The following DICER1 variants were observed in gnomAD, a reference collection of about 807,000 sequenced individuals.
The protein encoded by DICER1 is dicer 1, ribonuclease III.
Under a neutral mutation model 194.1 loss-of-function variants are expected in DICER1, and 43 were observed. The observed-to-expected ratio is 0.22, with a 90% CI of 0.17 to 0.29. The LOEUF is 0.29. Ranked by LOEUF, DICER1 falls within the 10% of genes least tolerant of loss-of-function variation. DICER1 has a pLI of 1.00. For synonymous variants in DICER1, 832 were observed against 820.5 expected (o/e 1.01, Z -0.24); for missense variants, 1,608 against 2,317.0 (o/e 0.69, Z 6.28).
At chr14:95,121,040 C>T (rs1156469012) in intron 8 of DICER1, among the ~76,000 whole-genome samples, 1 of 152,056 alleles carries the variant, frequency 6.6e-6, no homozygotes, top group Non-Finnish European at 1.5e-5. Flanking sequence ...CATGAGAGCC[C>T]CCTGATATAA....
rs1433832479 is a variant in DICER1, at chr14:95,094,112, A to G, written c.5140T>C (p.Tyr1714His). The change falls in exon 24 of 27, where the codon TAC becomes CAC. Residue 1714 changes from tyrosine to histidine, a missense_variant. Transcript: ENST00000343455. ...LEFLGDAILD[Y>H]LITKHLYEDP... is the part of the protein sequence containing the mutation. ...TCATAAAGGTGCTTGGTTATGAGGTAGTCCAAAATCGCATCTCCCAGGAAT... is the reference window on the plus strand; with the variant it reads ...TCATAAAGGTGCTTGGTTATGAGGTGGTCCAAAATCGCATCTCCCAGGAAT... 1 of 1,614,168 alleles carries G rather than the reference A, an allele frequency of 6.2e-7. No individual in the cohort carries two copies. Among genetic ancestry groups the G allele is most frequent in the Non-Finnish European group, 8.5e-7 (1 of 1,180,030 alleles).
At chr14:95,098,898 A>C (rs1890602733) in intron 22 of DICER1, among the ~76,000 whole-genome samples, 3 of 152,192 alleles carry the variant, frequency 2.0e-5, no homozygotes, top group Admixed American at 6.5e-5. Context: ...TGAACATGCT[A>C]CCTGGAAATA....
At chr14:95,152,688 A>G (rs138781361) in intron 1 of DICER1, among the ~76,000 whole-genome samples, 1 of 152,346 alleles carries the variant, frequency 6.6e-6, no homozygotes, top group East Asian at 1.9e-4. Context: ...ACTTATTTAA[A>G]ATGCATATTG....
chr14:95,108,198 G>C, intron 15 of DICER1, 105 bp from the exon 16 acceptor site: 1 of 1,274,160 alleles, frequency 7.8e-7, no homozygotes, highest in Non-Finnish European at 1.1e-6. Flanking sequence ...AGAAATAGAA[G>C]AGGCACCTCG....
chr14:95,124,379 A>G lies in DICER1; in HGVS notation c.1193T>C (p.Val398Ala). The change falls in exon 8 of 27, where the codon GTT becomes GCT. Residue 398 changes from valine to alanine, a missense_variant. Coordinates refer to ENST00000343455, the MANE Select transcript of DICER1 (RefSeq NM_177438.3). The surrounding 1 kb of genome is among the most constrained non-coding windows in gnomAD (Gnocchi z 4.5). ...CTGATTTCTATTATTATACCACTCAACGCTTTCAAACTGCTGTCGCTCATA... is the reference window on the plus strand; with the variant it reads ...CTGATTTCTATTATTATACCACTCAGCGCTTTCAAACTGCTGTCGCTCATA... ...KPYERQQFES[V>A]EWYNNRNQDN... 6.2e-7 allele frequency: 1 copy of G among 1,614,146 alleles called. No homozygotes were observed. Among genetic ancestry groups the G allele is most frequent in the East Asian group, 2.2e-5 (1 of 44,880 alleles).
intron 11 of DICER1, among the ~76,000 whole-genome samples, chr14:95,114,876 G>C (rs1041035182): frequency 6.6e-6 from 1 of 152,146 alleles, no homozygotes; most frequent in Admixed American, 6.5e-5. Flanking sequence ...CTGACAGTAA[G>C]ACTACAAAAT....
rs1555367601 is a variant in DICER1 at position 95,096,061 on chromosome 14, C to T, written c.4859G>A (p.Ser1620Asn). 20 of 1,614,216 alleles carry T rather than the reference C, an allele frequency of 1.2e-5. No homozygotes were observed. Among genetic ancestry groups the T allele is most frequent in the Non-Finnish European group, 1.7e-5 (20 of 1,180,036 alleles). The change falls in exon 23 of 27, where the codon AGC (serine) becomes AAC (asparagine). Residue 1620 changes from serine to asparagine, a missense_variant. Physicochemically the swap from Ser to Asn is conservative, Grantham distance 46. Coordinates refer to ENST00000343455, the MANE Select transcript of DICER1 (RefSeq NM_177438.3). ...ACTGGCCACAGAAGCAGCAGCACAG[C>T]TCACTGAAAGGTTCTTTTGTTGGCT... ...FNSQQKNLSVSCAAASVASSR... is the reference protein window; with the variant it reads ...FNSQQKNLSVNCAAASVASSR...
At chr14:95,099,658 AC>A (rs2139895948) in intron 22 of DICER1, 121 bp downstream of exon 22, 2 of 1,301,720 alleles carry the variant, frequency 1.5e-6, no homozygotes, top group East Asian at 5.1e-5. Flanking sequence ...TCTATTATAA[AC>A]ATACCAAGAA....
At chr14:95,121,894 A>AT (rs1892965234) in intron 8 of DICER1, among the ~76,000 whole-genome samples, 1 of 152,020 alleles carries the variant, frequency 6.6e-6, no homozygotes, top group African/African-American at 2.4e-5. Context: ...GCTGTGATTT[A>AT]TTTTTTTTAA....
chr14:95,137,509 G>A (rs1378168722), intron 1 of DICER1, among the ~76,000 whole-genome samples: 1 of 145,706 alleles, frequency 6.9e-6, no homozygotes, highest in Non-Finnish European at 1.5e-5. Flanking sequence ...AAAGGGGAAG[G>A]GGAAGGAAAA....
At chr14:95,111,591 AAAGT>A in intron 13 of DICER1, 135 bp from the exon 14 acceptor site, 1 of 973,626 alleles carries the variant, frequency 1.0e-6, no homozygotes, top group Non-Finnish European at 1.6e-6. Flanking sequence ...TTACAATTTA[AAAGT>A]AATCAGATTC....
intron 8 of DICER1, among the ~76,000 whole-genome samples, chr14:95,122,919 TGTGCGC>T (rs1263134687): frequency 6.6e-6 from 1 of 151,284 alleles, no homozygotes; most frequent in Non-Finnish European, 1.5e-5. Context: ...GTTAAGCGCG[TGTGCGC>T]GTGCGTGTAC....
chr14:95,134,752 G>A (rs992685351), intron 1 of DICER1, among the ~76,000 whole-genome samples: 2 of 152,204 alleles, frequency 1.3e-5, no homozygotes, highest in Non-Finnish European at 2.9e-5. Flanking sequence ...TGCCGGAGCT[G>A]AGAGCCCGGT....
At chr14:95,151,312 C>T (rs1229394726) in intron 1 of DICER1, among the ~76,000 whole-genome samples, 1 of 152,194 alleles carries the variant, frequency 6.6e-6, no homozygotes, top group Non-Finnish European at 1.5e-5. Flanking sequence ...TCTTTTCCTT[C>T]ATCCTCCATT....
chr14:95,113,110 A>C lies in DICER1; in HGVS notation c.2022T>G (p.Pro674=). 6.2e-7 allele frequency: 1 copy of C among 1,613,852 alleles called. No individual in the cohort carries two copies. Among genetic ancestry groups the C allele is most frequent in the Non-Finnish European group, 8.5e-7 (1 of 1,179,732 alleles). The part of the protein sequence containing the change: ...YSTLYLPINS[P]LRASIVGPPM... ...AACTTACAACAATGGAGGCTCGAAG[A>C]GGTGAGTTAATTGGCAGATAAAGAG... The change falls in exon 12 of 27, where the codon CCT becomes CCG. Residue 674 remains proline, a synonymous_variant. Coordinates refer to ENST00000343455, the MANE Select transcript of DICER1 (RefSeq NM_177438.3).
Position 95,112,603 on chromosome 14 carries a change from T to C in DICER1, c.2041-356A>G, listed in dbSNP as rs183959375. On this transcript the variant is annotated intron_variant, in intron 12 of 26. Coordinates refer to ENST00000343455, the MANE Select transcript of DICER1 (RefSeq NM_177438.3). Reference sequence around the variant, plus strand: ...TAACATTAACAGTATTGAGCAGCTTTTTATGTGCAATAGAAATTAGTCACC... The same window carrying C: ...TAACATTAACAGTATTGAGCAGCTTCTTATGTGCAATAGAAATTAGTCACC... Among the ~76,000 whole-genome samples the C allele has an allele frequency of 7.9e-5, 12 of 152,352 alleles. No homozygotes were observed. In the East Asian group the frequency reaches 2.3e-3, roughly 29 times the overall value.
chr14:95,124,269 G>A lies in DICER1; in HGVS notation c.1303C>T (p.Pro435Ser), dbSNP rs1222748384. 1 of 1,613,914 alleles carries A rather than the reference G, an allele frequency of 6.2e-7. No individual in the cohort carries two copies. Among genetic ancestry groups the A allele is most frequent in the Non-Finnish European group, 8.5e-7 (1 of 1,180,020 alleles). The change falls in exon 8 of 27, where the codon CCT (proline) becomes TCT (serine). Residue 435 changes from proline to serine, a missense_variant. Pro to Ser is a moderately conservative substitution (Grantham distance 74, BLOSUM62 -1). Transcript: ENST00000343455. This position sits in a 1 kb window ranked among gnomAD's most constrained non-coding sequence, Gnocchi z 4.5. The part of the protein sequence containing the change: ...EEKEKPETNF[P>S]SPFTNILCGI... ...CACAAAATGTTGGTAAAAGGAGAAG[G>A]AAAATTTGTCTCTGGCTTCTCTTTT...
intron 1 of DICER1, among the ~76,000 whole-genome samples, chr14:95,142,910 G>T (rs550197271): frequency 4.6e-5 from 7 of 152,140 alleles, no homozygotes; most frequent in African/African-American, 1.7e-4. Context: ...AAGCCTAAAG[G>T]CACCTAGAAC....
In DICER1 at chr14:95,116,801, T is replaced by TCTTGGG. The variant is rs1892516833; in HGVS notation, c.1510-112_1510-107dup. Reference sequence around the variant, plus strand: ...CAACTGTCATTTCTGACACACATGCTCTTGGGCATTCTAAATCCTTAAGGC... The same window carrying TCTTGGG: ...CAACTGTCATTTCTGACACACATGCTCTTGGGCTTGGGCATTCTAAATCCTTAAGGC... On this transcript the variant is annotated intron_variant, in intron 9 of 26. Transcript: ENST00000343455. The TCTTGGG allele has an allele frequency of 6.2e-6, 7 of 1,134,484 alleles. No homozygotes were observed. In the Admixed American group the frequency reaches 1.2e-4, roughly 20 times the overall value. The allele number at this position is 1,134,484 out of a possible 1,614,324, so 70.3% of individuals were successfully genotyped here. A position where few individuals can be genotyped will look rare whatever the true frequency, so the allele number is the denominator to read the frequency against.
Sources: allele counts gnomAD v4.1 joint callset (sites outside exome capture counted in the v4.1 genomes callset), GRCh38; gene constraint gnomAD v4.1.1; non-coding constraint Gnocchi (gnomAD v3.1); transcripts MANE v1.5; gene names NCBI Gene and HGNC (gene_info 2026-07-23, HGNC 2026-07-21).